SYNE2: variants seen among roughly 807,000 people sequenced by gnomAD.
SYNE2 encodes nesprin-2.
Under a neutral mutation model 856.3 loss-of-function variants are expected in SYNE2, and 431 were observed. The observed-to-expected ratio is 0.50, with a 90% CI of 0.47 to 0.55. SYNE2 has a LOEUF of 0.55. SYNE2 is among the 20% of genes least tolerant of loss of function. The pLI is 0.00. For missense variants in SYNE2, 8,129 were observed against 8,023.2 expected (o/e 1.01, Z -0.50); for synonymous variants, 2,923 against 2,872.3 (o/e 1.02, Z -0.56).
At chr14:64,032,949 C>G (rs2097053012) in intron 45 of SYNE2, among the ~76,000 whole-genome samples, 1 of 152,122 alleles carries the variant, frequency 6.6e-6, no homozygotes, top group African/African-American at 2.4e-5. Flanking sequence ...GGGAATATCC[C>G]TTGAGCCCAG....
At chr14:64,073,196 G>C (rs1271163442) in intron 52 of SYNE2, among the ~76,000 whole-genome samples, 1 of 152,152 alleles carries the variant, frequency 6.6e-6, no homozygotes, top group African/African-American at 2.4e-5. Flanking sequence ...GTGTGTGTTG[G>C]AGGTAGGGGT....
chr14:64,155,659 G>T (rs1397578237), intron 85 of SYNE2, among the ~76,000 whole-genome samples: 3 of 152,130 alleles, frequency 2.0e-5, no homozygotes, highest in African/African-American at 4.8e-5. Context: ...TGGCCCAGTG[G>T]CTCAAACCTG....
chr14:63,955,348 A>G (rs1181491311), intron 8 of SYNE2, among the ~76,000 whole-genome samples: 3 of 152,168 alleles, frequency 2.0e-5, no homozygotes, highest in Non-Finnish European at 2.9e-5. Flanking sequence ...GTCTGTCCCT[A>G]TGTGGTTGGT....
chr14:63,818,024 C>CAAAAAAAAAA (rs34186501), intron 1 of SYNE2, among the ~76,000 whole-genome samples: 3 of 64,764 alleles, frequency 4.6e-5, no homozygotes, highest in Admixed American at 2.3e-4. Context: ...GACCCTTTCT[C>CAAAAAAAAAA]AAAAAAAAAA....
intron 1 of SYNE2, among the ~76,000 whole-genome samples, chr14:63,872,381 GA>G (rs1897055484): frequency 6.6e-6 from 1 of 151,436 alleles, no homozygotes; most frequent in Non-Finnish European, 1.5e-5. Flanking sequence ...AGTGAGCCAA[GA>G]TGGTTTGTCA....
Position 64,212,931 on chromosome 14 carries a change from G to A in SYNE2, c.18982G>A (p.Glu6328Lys), listed in dbSNP as rs1169634968. ...TGTGCTGATTGAGGATGAGCTGGAG[G>A]AACTCCACCGCTACTGCCAGGAGGT... ...DAVLIEDELE[E>K]LHRYCQEVFG... The change falls in exon 105 of 116, where the codon GAA (glutamate) becomes AAA (lysine). Residue 6328 changes from glutamate (E) to lysine (K), a missense_variant. By Grantham distance (56) the Glu-to-Lys change is moderately conservative. This residue lies in a region of SYNE2 where 5,410 missense variants were observed against 5,284.8 expected (regional missense o/e 1.02). Transcript: ENST00000555002. 3 of 1,614,230 alleles carry A rather than the reference G, an allele frequency of 1.9e-6. No individual in the cohort carries two copies. In the South Asian group the frequency reaches 3.3e-5, roughly 18 times the overall value.
intron 46 of SYNE2, 127 bp downstream of exon 46, chr14:64,048,282 A>G: frequency 1.2e-6 from 1 of 831,952 alleles, no homozygotes; most frequent in Non-Finnish European, 1.9e-6. Context: ...CCTGATGATC[A>G]ATTTGGTAAC....
At chr14:64,096,234 A>T (rs973840603) in intron 61 of SYNE2, among the ~76,000 whole-genome samples, 4 of 152,084 alleles carry the variant, frequency 2.6e-5, no homozygotes, top group African/African-American at 9.7e-5. Flanking sequence ...GGAAAATGGA[A>T]TTTTTTTTAC....
chr14:64,202,768 T>G, intron 99 of SYNE2, 33 bp from the exon 100 acceptor site: 1 of 1,613,880 alleles, frequency 6.2e-7, no homozygotes, highest in Non-Finnish European at 8.5e-7. Context: ...GGTTTTTTTT[T>G]GTTTCGTTTT....
chr14:64,123,113 A>C (rs1206556696), intron 70 of SYNE2, among the ~76,000 whole-genome samples: 3 of 151,888 alleles, frequency 2.0e-5, no homozygotes, highest in South Asian at 2.1e-4. Context: ...AAAAAAAAAA[A>C]CACTTTAAAA....
rs531249432 is a variant in SYNE2 at position 64,210,814 on chromosome 14, GCTTT to G, written c.18723+699_18723+702del. Among the ~76,000 whole-genome samples, 7 of 152,148 alleles carry G rather than the reference GCTTT, an allele frequency of 4.6e-5. No individual in the cohort carries two copies. In the South Asian group the frequency reaches 6.2e-4, roughly 14 times the overall value. ...CCATTCTAGAAAGATGTAAATCTGG[GCTTT>G]CTTTCTTTTCTTCCTTTCTTTTCTC... On this transcript the variant is annotated intron_variant, in intron 103 of 115. Transcript: ENST00000555002.
intron 87 of SYNE2, among the ~76,000 whole-genome samples, chr14:64,160,642 G>C (rs924878374): frequency 6.6e-6 from 1 of 152,094 alleles, no homozygotes; most frequent in Non-Finnish European, 1.5e-5. Context: ...TAATCAGCAG[G>C]GTCGAGGATA....
rs368839538 is a variant in SYNE2, at chr14:64,026,605, G to T, written c.6279G>T (p.Gly2093=). The stretch of plus-strand genomic sequence containing the variant: ...AAATCATTTTGCTGAAGCCTGAAGG[G>T]GATGCCAGAATAGAGACCATCATGA... ...IKEIILLKPE[G]DARIETIMKQ... is the part of the protein sequence containing the mutation. The change falls in exon 42 of 116, where the codon GGG becomes GGT. Residue 2093 remains glycine (G), a synonymous_variant. Transcript: ENST00000555002. 1 of 1,613,326 alleles carries T rather than the reference G, an allele frequency of 6.2e-7. No individual in the cohort carries two copies. Among genetic ancestry groups the T allele is most frequent in the African/African-American group, 1.3e-5 (1 of 74,834 alleles).
chr14:64,139,603 G>A (rs1455385490), intron 79 of SYNE2, among the ~76,000 whole-genome samples: 3 of 151,838 alleles, frequency 2.0e-5, no homozygotes, highest in Admixed American at 2.0e-4. Context: ...AGTAGAGACA[G>A]GGTTTTACCA....
chr14:63,853,434 A>C (rs968633429), intron 1 of SYNE2, among the ~76,000 whole-genome samples: 1 of 148,120 alleles, frequency 6.8e-6, no homozygotes, highest in Admixed American at 6.7e-5. Context: ...TCTTTGTGTC[A>C]CCTCCGGGCC....
At chr14:64,126,048 C>G (rs766399395) in intron 71 of SYNE2, among the ~76,000 whole-genome samples, 4 of 152,170 alleles carry the variant, frequency 2.6e-5, no homozygotes, top group African/African-American at 4.8e-5. Flanking sequence ...TCACCTGGAT[C>G]GCCCTGCTAA....
upstream of SYNE2, among the ~76,000 whole-genome samples, chr14:63,851,071 G>C (rs548544637): frequency 1.3e-5 from 2 of 152,274 alleles, no homozygotes; most frequent in East Asian, 3.9e-4. Context: ...TTTAGGAAAA[G>C]ACAGCATATG....
rs543207804 is a variant in SYNE2 at position 64,055,618 on chromosome 14, C to T, written c.9745-326C>T. 7.9e-5 allele frequency among the ~76,000 whole-genome samples: 12 copies of T among 152,156 alleles called. No homozygotes were observed. In the South Asian group the frequency reaches 1.9e-3, roughly 24 times the overall value. Reference sequence around the variant, plus strand: ...TCTGGACCTCGTGATCCACCCACCTCGGCCTCCCAAAGTGCTGGGATTACA... The same window carrying T: ...TCTGGACCTCGTGATCCACCCACCTTGGCCTCCCAAAGTGCTGGGATTACA... On this transcript the variant is annotated intron_variant, in intron 48 of 115. Transcript: ENST00000555002.
intron 94 of SYNE2, 106 bp from the exon 95 acceptor site, chr14:64,174,838 A>T: frequency 2.0e-6 from 2 of 1,021,260 alleles, no homozygotes; most frequent in Non-Finnish European, 2.9e-6. Context: ...ATTTATATCT[A>T]GTTTAACTCT....
Sources: gnomAD v4.1 joint callset for allele counts (sites outside exome capture counted in the v4.1 genomes callset) on GRCh38, gnomAD v4.1.1 for gene constraint, gnomAD v4.1.1 regional missense constraint, MANE v1.5 for transcripts, NCBI Gene and HGNC (gene_info 2026-07-23, HGNC 2026-07-21) for gene names.